The following BRAF variants were observed in gnomAD, a reference collection of about 807,000 sequenced individuals.
The protein encoded by BRAF is serine/threonine-protein kinase B-raf.
Under a neutral mutation model 104.6 loss-of-function variants are expected in BRAF, and 16 were observed. The ratio of observed to expected loss-of-function variants is 0.15; its 90% CI spans 0.10 to 0.23. The LOEUF (loss-of-function observed/expected upper bound fraction) is 0.23, where lower values mean the gene tolerates loss of function less well. BRAF is among the 10% of genes least tolerant of loss of function. The pLI, the probability that BRAF is intolerant of heterozygous loss-of-function variation, is 1.00. For missense variants in BRAF, 541 were observed against 937.3 expected, an observed-to-expected ratio of 0.58 and a Z score of 5.52; for synonymous variants, 310 against 341.6, an observed-to-expected ratio of 0.91 and a Z score of 1.02.
At chr7:140,870,630 A>G (rs890136830) in intron 1 of BRAF, among the ~76,000 whole-genome samples, 11 of 140,450 alleles carry the variant, frequency 7.8e-5, no homozygotes, top group African/African-American at 3.2e-4. Context: ...TAGGTTAACT[A>G]GAAAAAAAAA....
intron 14 of BRAF, among the ~76,000 whole-genome samples, chr7:140,763,466 AC>A (rs1451688016): frequency 6.7e-6 from 1 of 149,608 alleles, no homozygotes; most frequent in East Asian, 2.0e-4. Context: ...CGGGGGGCTG[AC>A]CCCCCCACCT....
intron 1 of BRAF, among the ~76,000 whole-genome samples, chr7:140,867,547 T>C (rs1199475311): frequency 6.7e-6 from 1 of 149,360 alleles, no homozygotes; most frequent in African/African-American, 2.5e-5. Context: ...AAACAGACAA[T>C]GTCAGATGGT....
At chr7:140,922,157 A>ACT (rs1818294016) in intron 1 of BRAF, among the ~76,000 whole-genome samples, 2 of 152,238 alleles carry the variant, frequency 1.3e-5, no homozygotes, top group African/African-American at 4.8e-5. Flanking sequence ...TAAACATTAA[A>ACT]ACCTGGGTAA....
intron 1 of BRAF, among the ~76,000 whole-genome samples, chr7:140,858,210 TAATAGTGG>T (rs1810015207): frequency 6.6e-6 from 1 of 152,090 alleles, no homozygotes; most frequent in African/African-American, 2.4e-5. Context: ...TTAGAATCAT[TAATAGTGG>T]AACAACCCAA....
intron 14 of BRAF, among the ~76,000 whole-genome samples, chr7:140,774,259 G>A (rs73491839): frequency 0.092 from 13,974 of 152,096 alleles, 2,077 homozygotes; most frequent in African/African-American, 0.32. Context: ...TCATACTATC[G>A]TACACTCATT....
intron 18 of BRAF, among the ~76,000 whole-genome samples, chr7:140,735,645 C>G (rs1444490216): frequency 6.6e-6 from 1 of 152,006 alleles, no homozygotes; most frequent in Non-Finnish European, 1.5e-5. Flanking sequence ...CAACCTCCCC[C>G]TCCTGGGTTC....
intron 1 of BRAF, among the ~76,000 whole-genome samples, chr7:140,908,733 G>A (rs182934274): frequency 2.0e-5 from 3 of 152,228 alleles, no homozygotes; most frequent in South Asian, 4.1e-4. Context: ...TTAACCTAAC[G>A]ATAGAGTCAC....
chr7:140,746,037 C>A (rs1797318176), intron 17 of BRAF, among the ~76,000 whole-genome samples: 2 of 152,154 alleles, frequency 1.3e-5, no homozygotes, highest in African/African-American at 4.8e-5. Context: ...CCTTTTAACA[C>A]CCCGTAAATC....
rs545495379 is a variant in BRAF, at chr7:140,787,575, T to C, written c.1150A>G (p.Arg384Gly). Residue 384 changes from arginine to glycine, a missense_variant, in exon 9 of 20, where the codon AGA becomes GGA. Physicochemically the swap from Arg to Gly is moderately radical, Grantham distance 125. Coordinates refer to ENST00000644969, the MANE Select transcript of BRAF (RefSeq NM_001374258.1). ...CCATCACCACGAAATCCTTGGTCTC[T>C]AATCAAGTCCTACAAATAAATAGTA... The part of the protein sequence containing the change: ...IEPVNIDDLI[R>G]DQGFRGDGAP... The C allele has an allele frequency of 3.0e-5, 48 of 1,612,470 alleles. No individual in the cohort carries two copies. In the East Asian group the frequency reaches 9.4e-4, roughly 32 times the overall value.
intron 19 of BRAF, among the ~76,000 whole-genome samples, chr7:140,726,818 A>C (rs1795622428): frequency 6.6e-6 from 1 of 152,250 alleles, no homozygotes; most frequent in Admixed American, 6.5e-5. Flanking sequence ...AATTTCTCAG[A>C]AACTGAATGT....
intron 14 of BRAF, among the ~76,000 whole-genome samples, chr7:140,766,884 G>A (rs1345631117): frequency 6.6e-6 from 1 of 152,058 alleles, no homozygotes; most frequent in Non-Finnish European, 1.5e-5. Context: ...TCTGAGACAA[G>A]GACTCACTCT....
chr7:140,713,426 G>A, the BRAF span, among the ~76,000 whole-genome samples: 7 of 151,966 alleles, frequency 4.6e-5, no homozygotes, highest in South Asian at 2.1e-4. Context: ...TTCTGCATTC[G>A]TCACGTAGCT....
chr7:140,848,824 G>A (rs767392181), intron 2 of BRAF, among the ~76,000 whole-genome samples: 1 of 152,204 alleles, frequency 6.6e-6, no homozygotes, highest in African/African-American at 2.4e-5. Context: ...AACTAGGAGT[G>A]TGATCTGGGA....
At chr7:140,871,606 A>T (rs896960929) in intron 1 of BRAF, among the ~76,000 whole-genome samples, 1 of 152,168 alleles carries the variant, frequency 6.6e-6, no homozygotes, top group Non-Finnish European at 1.5e-5. Flanking sequence ...CCTAAAAAAA[A>T]CCAAGAGCAT....
At chr7:140,748,170 T>G (rs924663658) in intron 17 of BRAF, among the ~76,000 whole-genome samples, 1 of 152,164 alleles carries the variant, frequency 6.6e-6, no homozygotes, top group African/African-American at 2.4e-5. Flanking sequence ...GATATCACAA[T>G]AGGTGAAGTG....
At chr7:140,816,804 T>C (rs1396791670) in intron 3 of BRAF, among the ~76,000 whole-genome samples, 2 of 152,118 alleles carry the variant, frequency 1.3e-5, no homozygotes, top group Non-Finnish European at 2.9e-5. Context: ...TTAGTAGTTT[T>C]AGGTACCGTT....
chr7:140,799,371 C>T (rs1802851441), intron 7 of BRAF: 1 of 232,456 alleles, frequency 4.3e-6, no homozygotes, highest in Non-Finnish European at 8.5e-6. Context: ...TATTTCACTG[C>T]TAATTGATTT....
intron 3 of BRAF, among the ~76,000 whole-genome samples, chr7:140,814,779 ATAT>A (rs1329301638): frequency 7.0e-6 from 1 of 143,288 alleles, no homozygotes; most frequent in Non-Finnish European, 1.5e-5. Context: ...TATAACATAT[ATAT>A]TATATATAAC....
intron 4 of BRAF, chr7:140,808,345 G>A: frequency 2.3e-6 from 1 of 439,740 alleles, no homozygotes; most frequent in Non-Finnish European, 4.2e-6. Context: ...GATTGTTCCT[G>A]GGGTCCAAAA....
Sources: allele counts gnomAD v4.1 joint callset (sites outside exome capture counted in the v4.1 genomes callset), GRCh38; gene constraint gnomAD v4.1.1; transcripts MANE v1.5; gene names NCBI Gene and HGNC (gene_info 2026-07-23, HGNC 2026-07-21).